The following PIEZO2 variants were observed in gnomAD, a reference collection of about 807,000 sequenced individuals.
PIEZO2 encodes piezo type mechanosensitive ion channel component 2, also known as piezo-type mechanosensitive ion channel component 2.
PIEZO2 carries 172 observed loss-of-function variants against 337.3 expected under a neutral mutation model. That is an observed-to-expected ratio of 0.51 (90% CI 0.45 to 0.58). PIEZO2 has a LOEUF of 0.58. Among genes scored for constraint, PIEZO2 ranks in the 20% least tolerant of loss-of-function variants. The pLI is 0.00. For missense variants in PIEZO2, 3,028 were observed against 3,391.3 expected (o/e 0.89, Z 2.66); for synonymous variants, 1,251 against 1,228.5 (o/e 1.02, Z -0.38).
intron 15 of PIEZO2, 97 bp from the exon 16 acceptor site, chr18:10,787,281 A>C (rs1311305085): frequency 1.8e-6 from 2 of 1,133,320 alleles, no homozygotes; most frequent in Non-Finnish European, 2.4e-6. Context: ...CAAGTGATAC[A>C]TTTACAAGTG....
rs559932857 is a variant in PIEZO2 at position 11,033,144 on chromosome 18, T to C, written c.160+32983A>G. Among the ~76,000 whole-genome samples, 1 of 152,338 alleles carries C rather than the reference T, an allele frequency of 6.6e-6. No individual in the cohort carries two copies. Among genetic ancestry groups the C allele is most frequent in the East Asian group, 1.9e-4 (1 of 5,178 alleles). On this transcript the variant is annotated intron_variant, in intron 2 of 55. Transcript: ENST00000674853. This position sits in a 1 kb window ranked among gnomAD's most constrained non-coding sequence, Gnocchi z 4.2. ...AGCATTTACCGTGAGCCCAACACAT[T>C]ACGTCATTGAGTCCTCTCTACAACA... is the stretch of plus-strand genomic sequence containing the variant.
chr18:11,021,601 C>G lies in PIEZO2; in HGVS notation c.161-41941G>C, dbSNP rs2036314124. On this transcript the variant is annotated intron_variant, in intron 2 of 55. Transcript: ENST00000674853. This position sits in a 1 kb window ranked among gnomAD's most constrained non-coding sequence, Gnocchi z 4.7. ...CAGTCACCATCGTGAATGAAAACCA[C>G]CAAGTGGGGTTCCTGGGGGACTTTG... Among the ~76,000 whole-genome samples, 1 of 152,192 alleles carries G rather than the reference C, an allele frequency of 6.6e-6. No homozygotes were observed. The highest frequency in any genetic ancestry group is 6.5e-5 in the Admixed American group (1 of 15,280).
intron 7 of PIEZO2, among the ~76,000 whole-genome samples, chr18:10,822,631 C>T (rs2040551533): frequency 6.6e-6 from 1 of 152,156 alleles, no homozygotes; most frequent in African/African-American, 2.4e-5. Flanking sequence ...AATCAGCTCT[C>T]ATAGGTCGGG....
intron 3 of PIEZO2, among the ~76,000 whole-genome samples, chr18:10,959,498 T>C (rs1285449283): frequency 6.6e-6 from 1 of 152,150 alleles, no homozygotes; most frequent in East Asian, 1.9e-4. Context: ...ACATGAGATG[T>C]CTTATAACAC....
At position 11,141,707 on chromosome 18, in the gene PIEZO2, G is replaced by A. The variant is rs189064831; in HGVS notation, c.64+6818C>T. 8.6e-3 allele frequency among the ~76,000 whole-genome samples: 1,305 copies of A among 152,298 alleles called. 11 individuals are homozygous for A. Among genetic ancestry groups the A allele is most frequent in the Admixed American group, 0.012 (177 of 15,300 alleles). On this transcript the variant is annotated intron_variant, in intron 1 of 55. Transcript: ENST00000674853. ...ACCTAGAACTCTTCTGAGCACACCAGAGAAGGCCCCGGGGAGACAGGATGC... is the reference window on the plus strand; with the variant it reads ...ACCTAGAACTCTTCTGAGCACACCAAAGAAGGCCCCGGGGAGACAGGATGC...
chr18:10,968,706 A>C (rs1056022557), intron 3 of PIEZO2, among the ~76,000 whole-genome samples: 3 of 151,470 alleles, frequency 2.0e-5, no homozygotes, highest in African/African-American at 7.4e-5. Context: ...TTTTTCAAAA[A>C]ATAAATGGTA....
chr18:10,844,788 CAAA>C (rs10709952), intron 7 of PIEZO2, among the ~76,000 whole-genome samples: 4 of 116,716 alleles, frequency 3.4e-5, no homozygotes, highest in Non-Finnish European at 5.3e-5. Context: ...GACTCTGTCT[CAAA>C]AAAAAAAAAA....
In PIEZO2 at chr18:10,821,938, G is replaced by A. The variant is rs2040532508; in HGVS notation, c.918-14664C>T. On this transcript the variant is annotated intron_variant, in intron 7 of 55. Transcript: ENST00000674853. This position sits in a 1 kb window ranked among gnomAD's most constrained non-coding sequence, Gnocchi z 4.2. ...CAATAGTGCTAGTATAAATTTGTCAGAGAAAATCAAAGTTACACATTTTGT... is the reference window on the plus strand; with the variant it reads ...CAATAGTGCTAGTATAAATTTGTCAAAGAAAATCAAAGTTACACATTTTGT... Among the ~76,000 whole-genome samples the A allele has an allele frequency of 6.6e-6, 1 of 152,116 alleles. No homozygotes were observed. The highest frequency in any genetic ancestry group is 2.4e-5 in the African/African-American group (1 of 41,414).
At chr18:10,904,702 A>G (rs2043132652) in intron 4 of PIEZO2, among the ~76,000 whole-genome samples, 1 of 152,254 alleles carries the variant, frequency 6.6e-6, no homozygotes, top group Admixed American at 6.5e-5. Context: ...CCCAGGATGG[A>G]GCAGGCACTG....
At chr18:10,902,791 G>T (rs944675068) in intron 4 of PIEZO2, among the ~76,000 whole-genome samples, 1 of 152,186 alleles carries the variant, frequency 6.6e-6, no homozygotes, top group Admixed American at 6.5e-5. Context: ...TTGGGTGCAG[G>T]TGGTTTATTT....
chr18:10,844,532 TA>T (rs1297900011), intron 7 of PIEZO2, among the ~76,000 whole-genome samples: 1 of 151,878 alleles, frequency 6.6e-6, no homozygotes, highest in Non-Finnish European at 1.5e-5. Flanking sequence ...CTCACGCCTG[TA>T]ATGCCAGCAC....
chr18:11,007,794 TGAAGGCAAA>T (rs1270369287), intron 2 of PIEZO2, among the ~76,000 whole-genome samples: 21 of 152,114 alleles, frequency 1.4e-4, no homozygotes, highest in African/African-American at 4.8e-4. Context: ...CCTTTGAAAA[TGAAGGCAAA>T]TGTAAATATA....
intron 21 of PIEZO2, among the ~76,000 whole-genome samples, chr18:10,768,995 G>C (rs182495083): frequency 3.3e-5 from 5 of 152,288 alleles, no homozygotes; most frequent in Admixed American, 6.5e-5. Flanking sequence ...CTGCCACGCA[G>C]CTTCTCATGA....
intron 2 of PIEZO2, among the ~76,000 whole-genome samples, chr18:10,997,103 C>T (rs879335398): frequency 7.2e-5 from 11 of 152,018 alleles, no homozygotes; most frequent in African/African-American, 2.4e-4. Flanking sequence ...GTCCAACTCC[C>T]AAACTGATAA....
chr18:10,769,866 G>T, intron 21 of PIEZO2: 1 of 284,610 alleles, frequency 3.5e-6, no homozygotes, highest in African/African-American at 2.2e-5. Flanking sequence ...ATAGGCAGGG[G>T]CAGAAGGGCA....
Position 11,128,591 on chromosome 18 carries a change from T to C in PIEZO2, c.64+19934A>G, listed in dbSNP as rs146247482. ...CCCAAACCACGCTGCCATCAGCCTT[T>C]CCACCTTTGTCTGAGGACATAAACC... On this transcript the variant is annotated intron_variant, in intron 1 of 55. Coordinates refer to ENST00000674853, the MANE Select transcript of PIEZO2 (RefSeq NM_001378183.1). The surrounding 1 kb of genome is among the most constrained non-coding windows in gnomAD (Gnocchi z 4.1). Among the ~76,000 whole-genome samples, 431 of 152,272 alleles carry C rather than the reference T, an allele frequency of 2.8e-3. 1 individual carries two copies. The highest frequency in any genetic ancestry group is 3.4e-3 in the Non-Finnish European group (230 of 68,024).
chr18:10,811,890 G>T (rs2040202761), intron 7 of PIEZO2, among the ~76,000 whole-genome samples: 1 of 152,204 alleles, frequency 6.6e-6, no homozygotes, highest in East Asian at 1.9e-4. Flanking sequence ...CTGGAGTGCA[G>T]TGGTGCGATC....
Position 11,021,459 on chromosome 18 carries a change from C to A in PIEZO2, c.161-41799G>T, listed in dbSNP as rs146073177. On this transcript the variant is annotated intron_variant, in intron 2 of 55. Coordinates refer to ENST00000674853, the MANE Select transcript of PIEZO2 (RefSeq NM_001378183.1). This position sits in a 1 kb window ranked among gnomAD's most constrained non-coding sequence, Gnocchi z 4.7. ...TCTCTCCTCCTCCCCACTGCAAGGG[C>A]TCCATGAATGCTTTCTTGGTGGTAA... Among the ~76,000 whole-genome samples, 12 of 152,320 alleles carry A rather than the reference C, an allele frequency of 7.9e-5. No homozygotes were observed. In the South Asian group the frequency reaches 8.3e-4, roughly 11 times the overall value.
intron 1 of PIEZO2, among the ~76,000 whole-genome samples, chr18:11,107,165 A>C (rs2039593696): frequency 6.6e-6 from 1 of 152,184 alleles, no homozygotes; most frequent in South Asian, 2.1e-4. Context: ...TTTCTATAGA[A>C]ATGGTGCACA....
Sources: allele counts gnomAD v4.1 joint callset (sites outside exome capture counted in the v4.1 genomes callset), GRCh38; gene constraint gnomAD v4.1.1; non-coding constraint Gnocchi (gnomAD v3.1); transcripts MANE v1.5; gene names NCBI Gene and HGNC (gene_info 2026-07-23, HGNC 2026-07-21).